OXCT1: variants seen among roughly 807,000 people sequenced by gnomAD.
The protein encoded by OXCT1 is succinyl-CoA:3-ketoacid coenzyme A transferase 1, mitochondrial.
Under a neutral mutation model 69.6 loss-of-function variants are expected in OXCT1, and 27 were observed. The observed-to-expected ratio is 0.39, with a 90% CI of 0.29 to 0.54. The LOEUF is 0.54. OXCT1 is among the 20% of genes least tolerant of loss of function. The pLI is 0.72. For synonymous variants in OXCT1, 202 were observed against 217.8 expected (o/e 0.93, Z 0.64); for missense variants, 437 against 650.2 (o/e 0.67, Z 3.57).
intron 7 of OXCT1, among the ~76,000 whole-genome samples, chr5:41,815,098 T>C (rs546033538): frequency 1.3e-5 from 2 of 152,202 alleles, no homozygotes; most frequent in South Asian, 2.1e-4. Flanking sequence ...TTTGTTAAAA[T>C]TGACTAGCAG....
intron 13 of OXCT1, among the ~76,000 whole-genome samples, chr5:41,778,330 A>G (rs1241510194): frequency 6.6e-6 from 1 of 152,252 alleles, no homozygotes; most frequent in Non-Finnish European, 1.5e-5. Flanking sequence ...GACTGGAAAC[A>G]AAGTTAAAAA....
intron 7 of OXCT1, among the ~76,000 whole-genome samples, chr5:41,813,994 A>G (rs997553771): frequency 2.6e-5 from 4 of 152,094 alleles, no homozygotes; most frequent in Non-Finnish European, 5.9e-5. Context: ...CATGTTTGTC[A>G]TTATAGTATC....
At chr5:41,782,483 G>C (rs1056858368) in intron 13 of OXCT1, among the ~76,000 whole-genome samples, 4 of 152,100 alleles carry the variant, frequency 2.6e-5, no homozygotes, top group Non-Finnish European at 2.9e-5. Flanking sequence ...CAAAGTGCTG[G>C]GATTACAGGC....
chr5:41,807,549 C>T lies in OXCT1; in HGVS notation c.733-111G>A, dbSNP rs187635195. 1.5e-4 allele frequency: 102 copies of T among 696,300 alleles called. No individual in the cohort carries two copies. In the Middle Eastern group the frequency reaches 1.5e-3, roughly 10 times the overall value. The allele number at this position is 696,300 out of a possible 1,614,324, so 43.1% of individuals were successfully genotyped here. ...TACAACTTAGGCTGCAAACATATGA[C>T]GGAATATGGACATATATCTATGTAT... is the stretch of plus-strand genomic sequence containing the variant. On this transcript the variant is annotated intron_variant, in intron 7 of 16. Coordinates refer to ENST00000196371, the MANE Select transcript of OXCT1 (RefSeq NM_000436.4).
At chr5:41,793,982 G>A (rs1211373936) in intron 13 of OXCT1, 21 bp downstream of exon 13, 31 of 1,440,664 alleles carry the variant, frequency 2.2e-5, no homozygotes, top group Non-Finnish European at 3.0e-5. Context: ...ACATAATTCA[G>A]AATAAAAAAT....
chr5:41,800,379 C>T (rs748441244), intron 11 of OXCT1, among the ~76,000 whole-genome samples: 1 of 151,914 alleles, frequency 6.6e-6, no homozygotes, highest in Non-Finnish European at 1.5e-5. Flanking sequence ...TGTACCAGAT[C>T]TTTTCTTTTT....
chr5:41,855,098 C>T (rs1362639618), intron 3 of OXCT1, among the ~76,000 whole-genome samples: 1 of 152,146 alleles, frequency 6.6e-6, no homozygotes, highest in Non-Finnish European at 1.5e-5. Flanking sequence ...GAGAATGACT[C>T]ATCTATAACC....
chr5:41,749,715 TAAAG>T, intron 14 of OXCT1, 108 bp from the exon 15 acceptor site: 1 of 740,534 alleles, frequency 1.4e-6, no homozygotes, highest in Non-Finnish European at 2.4e-6. Context: ...GTCTCCTAAG[TAAAG>T]ACTCTTTCAG....
rs988394970 is a variant in OXCT1, at chr5:41,847,152, C to G, written c.564+2878G>C. ...TACCATCAGAGAATACTACAAACAC[C>G]TCTACGCAAATAAACTAGAAAATCT... On this transcript the variant is annotated intron_variant, in intron 5 of 16. Coordinates refer to ENST00000196371, the MANE Select transcript of OXCT1 (RefSeq NM_000436.4). Among the ~76,000 whole-genome samples, 439 of 151,948 alleles carry G rather than the reference C, an allele frequency of 2.9e-3. 2 individuals are homozygous for G. The highest frequency in any genetic ancestry group is 0.01 in the African/African-American group (420 of 41,442).
At chr5:41,822,504 C>T (rs1206665930) in intron 7 of OXCT1, among the ~76,000 whole-genome samples, 1 of 151,962 alleles carries the variant, frequency 6.6e-6, no homozygotes, top group African/African-American at 2.4e-5. Flanking sequence ...GTTTTGAGAC[C>T]ATTTCACTCT....
chr5:41,850,204 A>G (rs375192076), intron 4 of OXCT1, 25 bp from the exon 5 acceptor site: 18 of 1,612,392 alleles, frequency 1.1e-5, no homozygotes, highest in African/African-American at 1.1e-4. Context: ...CCAACACCCC[A>G]TAAGTTCACT....
chr5:41,777,577 T>TA (rs764640367), intron 13 of OXCT1, among the ~76,000 whole-genome samples: 1 of 152,242 alleles, frequency 6.6e-6, no homozygotes, highest in Non-Finnish European at 1.5e-5. Flanking sequence ...ATGTTGAACT[T>TA]ATTGCACTAT....
rs1312588247 is a variant in OXCT1, at chr5:41,807,543, A to G, written c.733-105T>C. On this transcript the variant is annotated intron_variant, in intron 7 of 16. Transcript: ENST00000196371. Reference sequence around the variant, plus strand: ...TTCACATACAACTTAGGCTGCAAACATATGACGGAATATGGACATATATCT... The same window carrying G: ...TTCACATACAACTTAGGCTGCAAACGTATGACGGAATATGGACATATATCT... 1.6e-5 allele frequency: 11 copies of G among 699,888 alleles called. No homozygotes were observed. In the Admixed American group the frequency reaches 1.8e-4, roughly 12 times the overall value. 43.4% of individuals were successfully genotyped at this position (699,888 alleles called of 1,614,324 possible). A position where few individuals can be genotyped will look rare whatever the true frequency, so the allele number is the denominator to read the frequency against.
chr5:41,806,484 C>T (rs532879437), intron 8 of OXCT1, among the ~76,000 whole-genome samples: 18 of 152,148 alleles, frequency 1.2e-4, no homozygotes, highest in East Asian at 5.8e-4. Context: ...GTTGGAGATG[C>T]GGCCTAGTGG....
intron 13 of OXCT1, among the ~76,000 whole-genome samples, chr5:41,765,701 C>T (rs1468941832): frequency 6.6e-6 from 1 of 152,132 alleles, no homozygotes; most frequent in African/African-American, 2.4e-5. Context: ...AGTAATTCAC[C>T]TTTCTATCCA....
At chr5:41,740,886 G>A (rs188445625) in intron 15 of OXCT1, among the ~76,000 whole-genome samples, 2 of 151,724 alleles carry the variant, frequency 1.3e-5, no homozygotes, top group African/African-American at 2.4e-5. Flanking sequence ...AAAATGTTAT[G>A]CATCCCAGAG....
At chr5:41,832,835 G>A (rs2112370506) in intron 7 of OXCT1, among the ~76,000 whole-genome samples, 1 of 152,192 alleles carries the variant, frequency 6.6e-6, no homozygotes, top group South Asian at 2.1e-4. Context: ...GAATCAAGCA[G>A]AAATTCTACA....
At chr5:41,808,941 T>C (rs1294686611) in intron 7 of OXCT1, among the ~76,000 whole-genome samples, 1 of 152,090 alleles carries the variant, frequency 6.6e-6, no homozygotes, top group African/African-American at 2.4e-5. Flanking sequence ...CATGAAGATT[T>C]ATTATTCATG....
chr5:41,837,630 C>CAA (rs71608626), intron 7 of OXCT1, among the ~76,000 whole-genome samples: 32 of 83,198 alleles, frequency 3.8e-4, no homozygotes, highest in Non-Finnish European at 4.9e-4. Context: ...ATAAGCTGGG[C>CAA]AAAAAAAAAA....
Sources: gnomAD v4.1 joint callset for allele counts (sites outside exome capture counted in the v4.1 genomes callset) on GRCh38, gnomAD v4.1.1 for gene constraint, MANE v1.5 for transcripts, NCBI Gene and HGNC (gene_info 2026-07-23, HGNC 2026-07-21) for gene names.